The following FNDC3B variants were observed in gnomAD, a reference collection of about 807,000 sequenced individuals.
The protein encoded by FNDC3B is fibronectin type III domain-containing protein 3B.
A neutral mutation model predicts 151.5 loss-of-function variants in FNDC3B; 12 were observed. The ratio of observed to expected loss-of-function variants is 0.08; its 90% CI spans 0.05 to 0.13. The LOEUF is 0.13. Ranked by LOEUF, FNDC3B falls within the 10% of genes least tolerant of loss-of-function variation. The probability of loss-of-function intolerance (pLI) is 1.00; values close to 1 mark genes in which losing one functional copy is unlikely to be tolerated. For synonymous variants in FNDC3B, 528 were observed against 549.0 expected, an observed-to-expected ratio of 0.96 and a Z score of 0.54; for missense variants, 1,214 against 1,505.3, an observed-to-expected ratio of 0.81 and a Z score of 3.20.
intron 3 of FNDC3B, among the ~76,000 whole-genome samples, chr3:172,155,024 G>A (rs1722416389): frequency 1.3e-5 from 2 of 152,012 alleles, no homozygotes; most frequent in Admixed American, 6.6e-5. Context: ...ACTGGGGGGC[G>A]GCAGTAGGAT....
chr3:172,110,893 G>T (rs901115286), intron 1 of FNDC3B, among the ~76,000 whole-genome samples: 3 of 152,128 alleles, frequency 2.0e-5, no homozygotes, highest in African/African-American at 7.2e-5. Flanking sequence ...CATGTCAGGA[G>T]TTCAAGACTG....
At chr3:172,348,024 G>A (rs1733691669) in intron 21 of FNDC3B, among the ~76,000 whole-genome samples, 1 of 152,184 alleles carries the variant, frequency 6.6e-6, no homozygotes, top group Non-Finnish European at 1.5e-5. Flanking sequence ...TGAGAAAATA[G>A]AGTTCTTTGT....
At chr3:172,241,621 A>C (rs377175859) in intron 4 of FNDC3B, among the ~76,000 whole-genome samples, 231 of 152,002 alleles carry the variant, frequency 1.5e-3, no homozygotes, top group Middle Eastern at 6.8e-3. Flanking sequence ...ATCGGATCTC[A>C]TGAGACTTAT....
At chr3:172,338,129 C>T (rs1733084102) in intron 16 of FNDC3B, 1 of 152,110 alleles carries the variant, frequency 6.6e-6, no homozygotes, top group South Asian at 2.1e-4. Flanking sequence ...TCCTGGCCAA[C>T]ATGGTGAAAC....
chr3:172,083,865 T>C (rs1002003113), intron 1 of FNDC3B, among the ~76,000 whole-genome samples: 2 of 152,234 alleles, frequency 1.3e-5, no homozygotes, highest in Admixed American at 1.3e-4. Flanking sequence ...GAAATGAAAG[T>C]ATAGTAGCCA....
intron 2 of FNDC3B, among the ~76,000 whole-genome samples, chr3:172,128,759 A>G (rs565804346): frequency 5.3e-5 from 8 of 152,278 alleles, no homozygotes; most frequent in Admixed American, 2.6e-4. Flanking sequence ...TACCTGTTGG[A>G]TAATCATAAA....
chr3:172,372,209 A>G (rs1318315245), intron 23 of FNDC3B, among the ~76,000 whole-genome samples: 3 of 152,168 alleles, frequency 2.0e-5, no homozygotes, highest in African/African-American at 7.2e-5. Flanking sequence ...GTGGAGCCCC[A>G]CAGGTGTTAC....
chr3:172,220,505 A>G (rs968938061), intron 3 of FNDC3B, among the ~76,000 whole-genome samples: 1 of 152,174 alleles, frequency 6.6e-6, no homozygotes, highest in African/African-American at 2.4e-5. Context: ...TTTGATGCAC[A>G]AAAGTTTCTA....
intron 22 of FNDC3B, among the ~76,000 whole-genome samples, chr3:172,359,563 G>T (rs115264660): frequency 1.3e-5 from 2 of 152,190 alleles, no homozygotes; most frequent in African/African-American, 2.4e-5. Context: ...CTTAATGTCC[G>T]GCTTAATTTC....
intron 1 of FNDC3B, among the ~76,000 whole-genome samples, chr3:172,099,807 G>T (rs1719290617): frequency 6.6e-6 from 1 of 152,206 alleles, no homozygotes; most frequent in African/African-American, 2.4e-5. Context: ...GACCCTGTCA[G>T]GTGAACTCTA....
intron 2 of FNDC3B, among the ~76,000 whole-genome samples, chr3:172,119,962 G>C (rs1049525530): frequency 6.6e-6 from 1 of 152,126 alleles, no homozygotes; most frequent in African/African-American, 2.4e-5. Context: ...CCAGATCTGT[G>C]GTCTGACTTT....
At chr3:172,395,062 T>A (rs1371372659) in intron 25 of FNDC3B, among the ~76,000 whole-genome samples, 2 of 152,190 alleles carry the variant, frequency 1.3e-5, no homozygotes, top group Admixed American at 1.3e-4. Flanking sequence ...TATTTTTCAG[T>A]TCTAAATAGC....
chr3:172,144,061 G>A (rs979237316), intron 3 of FNDC3B, among the ~76,000 whole-genome samples: 1 of 152,154 alleles, frequency 6.6e-6, no homozygotes, highest in African/African-American at 2.4e-5. Context: ...TGGTTCTGCA[G>A]GATATATAGG....
Position 172,236,640 on chromosome 3 carries a change from G to A in FNDC3B, c.264+9693G>A, listed in dbSNP as rs371628073. On this transcript the variant is annotated intron_variant, in intron 4 of 25. Coordinates refer to ENST00000415807, the MANE Select transcript of FNDC3B (RefSeq NM_022763.4). ...GTGGTTCTCTGCAGTATCTGGAGAAGCTTAGCCCTCTAACCAGGGAGGGGT... is the reference window on the plus strand; with the variant it reads ...GTGGTTCTCTGCAGTATCTGGAGAAACTTAGCCCTCTAACCAGGGAGGGGT... Among the ~76,000 whole-genome samples, 97 of 152,242 alleles carry A rather than the reference G, an allele frequency of 6.4e-4. No homozygotes were observed. In the South Asian group the frequency reaches 0.019, roughly 30 times the overall value.
intron 3 of FNDC3B, among the ~76,000 whole-genome samples, chr3:172,212,655 C>T (rs1377950503): frequency 6.6e-6 from 1 of 152,224 alleles, no homozygotes; most frequent in Non-Finnish European, 1.5e-5. Flanking sequence ...ACCACTACCA[C>T]CCAGCATATT....
At position 172,400,847 on chromosome 3, in the gene FNDC3B, C is replaced by T. The variant is rs1482242021; in HGVS notation, c.*3372C>T. On this transcript the variant is annotated 3_prime_UTR_variant, in exon 26 of 26. Transcript: ENST00000415807. ...TCTCAGCTCACTGCAACCTCCAGCTCCCAGGTTCAAGTGATTCCCCTGCCT... is the reference window on the plus strand; with the variant it reads ...TCTCAGCTCACTGCAACCTCCAGCTTCCAGGTTCAAGTGATTCCCCTGCCT... The T allele has an allele frequency of 6.6e-6, 1 of 150,696 alleles. No homozygotes were observed. Among genetic ancestry groups the T allele is most frequent in the African/African-American group, 2.4e-5 (1 of 40,940 alleles). 9.3% of individuals were successfully genotyped at this position (150,696 alleles called of 1,614,324 possible).
intron 1 of FNDC3B, among the ~76,000 whole-genome samples, chr3:172,103,852 T>C (rs1719495335): frequency 6.6e-6 from 1 of 152,214 alleles, no homozygotes; most frequent in South Asian, 2.1e-4. Flanking sequence ...AATTCCAGAC[T>C]GTTTGTGCCT....
rs1469818945 is a variant in FNDC3B, at chr3:172,295,529, T to C, written c.1001+15T>C. ...ATAATTTACAGGTTGTGTATGTTTC[T>C]ATTGTTTTTCTTTGCTGCTAAACTG... is the stretch of plus-strand genomic sequence containing the variant. On this transcript the variant is annotated intron_variant, in intron 8 of 25. Coordinates refer to ENST00000415807, the MANE Select transcript of FNDC3B (RefSeq NM_022763.4). The C allele has an allele frequency of 1.2e-6, 2 of 1,609,474 alleles. No individual in the cohort carries two copies. The highest frequency in any genetic ancestry group is 2.2e-5 in the East Asian group (1 of 44,842).
intron 3 of FNDC3B, among the ~76,000 whole-genome samples, chr3:172,212,233 A>G (rs767094931): frequency 1.3e-5 from 2 of 152,222 alleles, no homozygotes; most frequent in Non-Finnish European, 2.9e-5. Context: ...GATAAAGTTT[A>G]TGGAACTCTG....
Sources: gnomAD v4.1 joint callset for allele counts (sites outside exome capture counted in the v4.1 genomes callset) on GRCh38, gnomAD v4.1.1 for gene constraint, MANE v1.5 for transcripts, NCBI Gene and HGNC (gene_info 2026-07-23, HGNC 2026-07-21) for gene names.